Variants in STX8 observed in about 807,000 individuals in gnomAD.
STX8 encodes syntaxin-8.
A neutral mutation model predicts 37.5 loss-of-function variants in STX8; 23 were observed. The ratio of observed to expected loss-of-function variants is 0.61; its 90% CI spans 0.44 to 0.87. STX8 has a LOEUF of 0.87. Among genes scored for constraint, STX8 ranks in the 40% least tolerant of loss-of-function variants. The pLI is 0.00. For missense variants in STX8, 313 were observed against 284.7 expected, an observed-to-expected ratio of 1.10 and a Z score of -0.71; for synonymous variants, 115 against 99.1, an observed-to-expected ratio of 1.16 and a Z score of -0.95.
At chr17:9,310,984 A>G (rs1909170737) in intron 7 of STX8, among the ~76,000 whole-genome samples, 2 of 152,144 alleles carry the variant, frequency 1.3e-5, no homozygotes, top group South Asian at 4.1e-4. Flanking sequence ...CGTGCCTGTA[A>G]TCCTAGCACT....
At chr17:9,412,281 A>ATTT (rs529582626) in intron 6 of STX8, among the ~76,000 whole-genome samples, 2,428 of 144,290 alleles carry the variant, frequency 0.017, 80 homozygotes, top group African/African-American at 0.058. Context: ...CACAGCAGCA[A>ATTT]TTTTTTTTTT....
rs1555601139 is a variant in STX8, at chr17:9,362,836, A to AT, written c.643+15715_643+15716insA. ...AGAGTGAGACTCCGTCTCAAAAAAA[A>AT]AAAAAAATAAATAAATAAATAAATA... On this transcript the variant is annotated intron_variant, in intron 7 of 7. Transcript: ENST00000306357. Among the ~76,000 whole-genome samples the AT allele has an allele frequency of 9.4e-5, 10 of 106,884 alleles. No individual in the cohort carries two copies. The East Asian group carries it at 1.5e-3, about 17-fold the overall frequency. The allele number at this position is 106,884 out of a possible 152,430, so 70.1% of individuals were successfully genotyped here.
chr17:9,476,721 G>A (rs886364892), intron 6 of STX8, among the ~76,000 whole-genome samples: 3 of 151,768 alleles, frequency 2.0e-5, no homozygotes, highest in Non-Finnish European at 4.4e-5. Flanking sequence ...CCAAAGTGCT[G>A]GGATTACAGG....
rs541538565 is a variant in STX8 at position 9,553,789 on chromosome 17, T to C, written c.212+3645A>G. The C allele has an allele frequency of 2.6e-5, 4 of 152,366 alleles. No homozygotes were observed. In the South Asian group the frequency reaches 8.3e-4, roughly 32 times the overall value. The allele number at this position is 152,366 out of a possible 1,614,324, so 9.4% of individuals were successfully genotyped here. On this transcript the variant is annotated intron_variant, in intron 3 of 7. Transcript: ENST00000306357. Reference sequence around the variant, plus strand: ...CACAACAATTCATAGAGAATTCTAGTTGAAGACATGCCAGGTGACAGCTGA... The same window carrying C: ...CACAACAATTCATAGAGAATTCTAGCTGAAGACATGCCAGGTGACAGCTGA...
intron 2 of STX8, among the ~76,000 whole-genome samples, chr17:9,558,379 G>C (rs1292023406): frequency 6.6e-6 from 1 of 152,174 alleles, no homozygotes; most frequent in East Asian, 1.9e-4. Context: ...ACCAGCCAGT[G>C]TGTCAGAGAC....
At chr17:9,405,548 T>C (rs1227539263) in intron 6 of STX8, among the ~76,000 whole-genome samples, 1 of 152,198 alleles carries the variant, frequency 6.6e-6, no homozygotes, top group Non-Finnish European at 1.5e-5. Flanking sequence ...CAGCTTTAGA[T>C]ATAAGGGCAG....
At chr17:9,310,723 T>A (rs1484355945) in intron 7 of STX8, among the ~76,000 whole-genome samples, 1 of 152,060 alleles carries the variant, frequency 6.6e-6, no homozygotes, top group East Asian at 1.9e-4. Context: ...TTTTTATAAA[T>A]GAAATACCTG....
At chr17:9,441,973 TTTGA>T (rs1224128257) in intron 6 of STX8, among the ~76,000 whole-genome samples, 2 of 152,148 alleles carry the variant, frequency 1.3e-5, no homozygotes, top group Non-Finnish European at 2.9e-5. Flanking sequence ...GCACCATGGC[TTTGA>T]TTACCATCCA....
chr17:9,384,201 T>A (rs952697956), intron 6 of STX8, among the ~76,000 whole-genome samples: 71 of 152,150 alleles, frequency 4.7e-4, no homozygotes, highest in African/African-American at 1.7e-3. Flanking sequence ...GGTTCATTTT[T>A]TTTTCAATTG....
chr17:9,478,647 T>C (rs1319368406), intron 6 of STX8, among the ~76,000 whole-genome samples: 4 of 152,238 alleles, frequency 2.6e-5, no homozygotes, highest in Non-Finnish European at 4.4e-5. Flanking sequence ...GTTTTCACAC[T>C]GTGAAGCCCT....
chr17:9,266,338 A>G (rs1374903025), intron 7 of STX8, among the ~76,000 whole-genome samples: 1 of 152,144 alleles, frequency 6.6e-6, no homozygotes, highest in Non-Finnish European at 1.5e-5. Flanking sequence ...CTGAAGTGAG[A>G]AGCAGTGAGC....
In STX8 at chr17:9,375,187, T is replaced by C. The variant is rs565365886; in HGVS notation, c.643+3365A>G. Among the ~76,000 whole-genome samples, 637 of 151,934 alleles carry C rather than the reference T, an allele frequency of 4.2e-3. 5 individuals carry two copies. The highest frequency in any genetic ancestry group is 0.015 in the African/African-American group (604 of 41,458). ...AATTCTGTGGCAGATAATATATACA[T>C]ATATAATTAAATAAAATGAGGCATG... On this transcript the variant is annotated intron_variant, in intron 7 of 7. Coordinates refer to ENST00000306357, the MANE Select transcript of STX8 (RefSeq NM_004853.3).
intron 7 of STX8, among the ~76,000 whole-genome samples, chr17:9,273,759 C>G (rs1391492454): frequency 6.6e-6 from 1 of 152,244 alleles, no homozygotes; most frequent in Non-Finnish European, 1.5e-5. Flanking sequence ...GGCTTGAGGC[C>G]TTTCTGCCTT....
intron 6 of STX8, among the ~76,000 whole-genome samples, chr17:9,452,905 A>G (rs571403129): frequency 3.3e-5 from 5 of 151,828 alleles, no homozygotes; most frequent in Non-Finnish European, 7.4e-5. Context: ...TCCCGGGTTC[A>G]AGCTATTCTC....
At chr17:9,360,227 CTTTTT>C (rs58213453) in intron 7 of STX8, among the ~76,000 whole-genome samples, 8 of 72,606 alleles carry the variant, frequency 1.1e-4, no homozygotes, top group African/African-American at 1.6e-4. Context: ...AATTAACCGT[CTTTTT>C]TTTTTTTTTT....
intron 6 of STX8, among the ~76,000 whole-genome samples, chr17:9,441,652 A>T (rs963469781): frequency 6.8e-6 from 1 of 146,896 alleles, no homozygotes; most frequent in Non-Finnish European, 1.5e-5. Flanking sequence ...GCTCTTCTCC[A>T]TCTATGCTCA....
chr17:9,462,934 C>T (rs1905458706), intron 6 of STX8, among the ~76,000 whole-genome samples: 1 of 152,182 alleles, frequency 6.6e-6, no homozygotes, highest in African/African-American at 2.4e-5. Flanking sequence ...CGCCACACTT[C>T]CCAGACACCA....
At chr17:9,317,899 T>C (rs74948458) in intron 7 of STX8, among the ~76,000 whole-genome samples, 6,538 of 152,284 alleles carry the variant, frequency 0.043, 218 homozygotes, top group Non-Finnish European at 0.067. Flanking sequence ...TTCTGGACCA[T>C]GTCAGGGTTG....
At chr17:9,355,129 TTTC>T (rs1459864953) in intron 7 of STX8, among the ~76,000 whole-genome samples, 2 of 152,156 alleles carry the variant, frequency 1.3e-5, no homozygotes, top group Non-Finnish European at 2.9e-5. Flanking sequence ...TTTTATTTCA[TTTC>T]TTAAGCTGGA....
Sources: gnomAD v4.1 joint callset for allele counts (sites outside exome capture counted in the v4.1 genomes callset) on GRCh38, gnomAD v4.1.1 for gene constraint, MANE v1.5 for transcripts, NCBI Gene and HGNC (gene_info 2026-07-23, HGNC 2026-07-21) for gene names.